Variants in PDSS2 observed in about 807,000 individuals in gnomAD.
PDSS2 encodes the protein decaprenyl diphosphate synthase subunit 2, also known as all trans-polyprenyl-diphosphate synthase PDSS2.
PDSS2 carries 31 observed loss-of-function variants against 44.5 expected under a neutral mutation model. The ratio of observed to expected loss-of-function variants is 0.70; its 90% CI spans 0.52 to 0.94. PDSS2 has a LOEUF of 0.94. Ranked by LOEUF, PDSS2 falls within the 40% of genes least tolerant of loss-of-function variation. PDSS2 has a pLI of 0.00. For missense variants in PDSS2, 452 were observed against 482.2 expected (o/e 0.94, Z 0.59); for synonymous variants, 157 against 180.3 (o/e 0.87, Z 1.03).
At chr6:107,375,006 G>A (rs1443938239) in intron 1 of PDSS2, among the ~76,000 whole-genome samples, 1 of 151,852 alleles carries the variant, frequency 6.6e-6, no homozygotes, top group Non-Finnish European at 1.5e-5. Context: ...TAATCCATGG[G>A]ACAAAGAGGC....
chr6:107,372,380 G>A (rs1425772058), intron 1 of PDSS2, among the ~76,000 whole-genome samples: 1 of 152,186 alleles, frequency 6.6e-6, no homozygotes, highest in Non-Finnish European at 1.5e-5. Context: ...GGTAAATTCA[G>A]AGGAACTGCA....
At chr6:107,390,119 A>G (rs1779734759) in intron 1 of PDSS2, among the ~76,000 whole-genome samples, 1 of 152,138 alleles carries the variant, frequency 6.6e-6, no homozygotes, top group Non-Finnish European at 1.5e-5. Flanking sequence ...AAAAATTCCA[A>G]TTAATTTACA....
chr6:107,347,145 G>T (rs1044169468), intron 1 of PDSS2, among the ~76,000 whole-genome samples: 1 of 152,160 alleles, frequency 6.6e-6, no homozygotes, highest in African/African-American at 2.4e-5. Flanking sequence ...TGGAAATGAG[G>T]ACCTGCATGG....
intron 1 of PDSS2, among the ~76,000 whole-genome samples, chr6:107,449,710 CT>C: frequency 6.6e-6 from 1 of 152,258 alleles, no homozygotes; most frequent in East Asian, 1.9e-4. Flanking sequence ...GTCTAGCCAA[CT>C]TATTTTTAGG....
At position 107,236,791 on chromosome 6, in the gene PDSS2, C is replaced by A. The variant is rs540759828; in HGVS notation, c.702+8757G>T. Among the ~76,000 whole-genome samples the A allele has an allele frequency of 7.9e-5, 12 of 152,190 alleles. No homozygotes were observed. The South Asian group carries it at 1.9e-3, about 24-fold the overall frequency. On this transcript the variant is annotated intron_variant, in intron 4 of 7. Coordinates refer to ENST00000369037, the MANE Select transcript of PDSS2 (RefSeq NM_020381.4). ...CTTTTTGATGCCTTTTCTGATTTCC[C>A]CAACTAGATGTGAGTTCTTGTTCAC... is the stretch of plus-strand genomic sequence containing the variant.
rs145731774 is a variant in PDSS2 at position 107,173,109 on chromosome 6, C to T, written c.1042-18332G>A. ...ACTGCACTCCAACCTGGCAACAGAGCGAGACTCTGTCTCAAAAAAAAAAAA... is the reference window on the plus strand; with the variant it reads ...ACTGCACTCCAACCTGGCAACAGAGTGAGACTCTGTCTCAAAAAAAAAAAA... On this transcript the variant is annotated intron_variant, in intron 7 of 7. Transcript: ENST00000369037. Among the ~76,000 whole-genome samples the T allele has an allele frequency of 9.9e-3, 1,282 of 128,994 alleles. 22 individuals carry two copies. The highest frequency in any genetic ancestry group is 0.036 in the African/African-American group (1,239 of 34,136). 84.6% of individuals were successfully genotyped at this position (128,994 alleles called of 152,430 possible).
chr6:107,264,292 T>C, intron 3 of PDSS2: 1 of 1,412,276 alleles, frequency 7.1e-7, no homozygotes. Flanking sequence ...AAACAACATA[T>C]TTACGCCTTT....
At chr6:107,290,835 T>C (rs547863968) in intron 2 of PDSS2, among the ~76,000 whole-genome samples, 1 of 152,178 alleles carries the variant, frequency 6.6e-6, no homozygotes, top group African/African-American at 2.4e-5. Flanking sequence ...TTCCCCTCCA[T>C]AGCTCTTATT....
At chr6:107,449,207 C>T (rs760203375) in intron 1 of PDSS2, among the ~76,000 whole-genome samples, 1 of 152,206 alleles carries the variant, frequency 6.6e-6, no homozygotes, top group Non-Finnish European at 1.5e-5. Context: ...TCCATCTCCA[C>T]AGTTTTGTCA....
intron 2 of PDSS2, among the ~76,000 whole-genome samples, chr6:107,300,932 C>A (rs550607637): frequency 6.6e-6 from 1 of 152,254 alleles, no homozygotes. Context: ...CTATTCACAG[C>A]AGGGAGTCCT....
intron 6 of PDSS2, 98 bp from the exon 7 acceptor site, chr6:107,193,952 C>A (rs1772468941): frequency 3.8e-6 from 3 of 780,168 alleles, no homozygotes; most frequent in African/African-American, 1.7e-5. Flanking sequence ...GCTTCTCTGT[C>A]CCCCTTTCCC....
intron 6 of PDSS2, among the ~76,000 whole-genome samples, chr6:107,207,386 A>C (rs1773018380): frequency 6.6e-6 from 1 of 152,158 alleles, no homozygotes. Context: ...AAAGATATCC[A>C]GGAGGGTAAA....
chr6:107,198,827 CAACAACAA>C (rs1772658347), intron 6 of PDSS2, among the ~76,000 whole-genome samples: 1 of 151,524 alleles, frequency 6.6e-6, no homozygotes, highest in Non-Finnish European at 1.5e-5. Flanking sequence ...ACAACAACAA[CAACAACAA>C]CACAGCAAAA....
rs1562556637 is a variant in PDSS2, at chr6:107,459,119, G to T, written c.167C>A (p.Ala56Glu). ...CGTGGGGTACCCCACGATCTTCTCC[G>T]CCTCTGACACTACCTGATTCCAGTG... ...PAHWNQVVSE[A>E]EKIVGYPTSF... The change falls in exon 1 of 8, where the codon GCG becomes GAG. Residue 56 changes from alanine (A) to glutamate (E), a missense_variant. Physicochemically the swap from Ala to Glu is moderately radical, Grantham distance 107. Transcript: ENST00000369037. This position sits in a 1 kb window ranked among gnomAD's most constrained non-coding sequence, Gnocchi z 4.3. 1 of 1,614,134 alleles carries T rather than the reference G, an allele frequency of 6.2e-7. No individual in the cohort carries two copies. Among genetic ancestry groups the T allele is most frequent in the Non-Finnish European group, 8.5e-7 (1 of 1,180,034 alleles).
At chr6:107,304,337 T>C (rs1280574903) in intron 2 of PDSS2, among the ~76,000 whole-genome samples, 1 of 152,242 alleles carries the variant, frequency 6.6e-6, no homozygotes, top group Non-Finnish European at 1.5e-5. Flanking sequence ...CAAACTTCAG[T>C]TATTTACTTA....
At chr6:107,419,002 C>T (rs1415192785) in intron 1 of PDSS2, among the ~76,000 whole-genome samples, 1 of 151,798 alleles carries the variant, frequency 6.6e-6, no homozygotes, top group Non-Finnish European at 1.5e-5. Context: ...TGGTTCTCAA[C>T]TCTAGTTGTA....
chr6:107,457,184 G>A (rs1451690126), intron 1 of PDSS2, among the ~76,000 whole-genome samples: 2 of 152,108 alleles, frequency 1.3e-5, no homozygotes, highest in South Asian at 4.2e-4. Context: ...AGCAAGGGGT[G>A]GGTAAGGGAA....
chr6:107,226,104 C>T (rs1324295536), intron 4 of PDSS2, among the ~76,000 whole-genome samples: 1 of 152,046 alleles, frequency 6.6e-6, no homozygotes, highest in Non-Finnish European at 1.5e-5. Context: ...GTCAGGAGAT[C>T]GAGACCATCC....
chr6:107,331,508 C>CT (rs1777710518), intron 2 of PDSS2, among the ~76,000 whole-genome samples: 1 of 152,202 alleles, frequency 6.6e-6, no homozygotes, highest in Non-Finnish European at 1.5e-5. Flanking sequence ...TAATGACCAT[C>CT]TGCCAACATG....
Sources: allele counts gnomAD v4.1 joint callset (sites outside exome capture counted in the v4.1 genomes callset), GRCh38; gene constraint gnomAD v4.1.1; non-coding constraint Gnocchi (gnomAD v3.1); transcripts MANE v1.5; gene names NCBI Gene and HGNC (gene_info 2026-07-23, HGNC 2026-07-21).